The following SAMD5 variants were observed in gnomAD, a reference collection of about 807,000 sequenced individuals.
SAMD5 encodes the protein sterile alpha motif domain containing 5.
A neutral mutation model predicts 11.3 loss-of-function variants in SAMD5; 13 were observed. The observed-to-expected ratio is 1.15, with a 90% CI of 0.75 to 1.83. The LOEUF is 1.83. Among genes scored for constraint, SAMD5 ranks in the 40% most tolerant of loss-of-function variants. The probability of loss-of-function intolerance (pLI) is 0.00; values close to 1 mark genes in which losing one functional copy is unlikely to be tolerated. For synonymous variants in SAMD5, 129 were observed against 111.3 expected, an observed-to-expected ratio of 1.16 and a Z score of -1.00; for missense variants, 255 against 239.1, an observed-to-expected ratio of 1.07 and a Z score of -0.44.
chr6:147,547,117 AG>A (rs1291389029), intron 1 of SAMD5, among the ~76,000 whole-genome samples: 1 of 152,206 alleles, frequency 6.6e-6, no homozygotes, highest in African/African-American at 2.4e-5. Flanking sequence ...CACATTCTGA[AG>A]GTGGGAAAGA....
chr6:147,598,132 GT>G (rs1789560037), intron 1 of SAMD5, among the ~76,000 whole-genome samples: 1 of 147,220 alleles, frequency 6.8e-6, no homozygotes, highest in African/African-American at 2.5e-5. Flanking sequence ...ATTTGATTTT[GT>G]TTTATTTTTG....
chr6:147,950,442 G>A, the SAMD5 span, among the ~76,000 whole-genome samples: 1 of 152,130 alleles, frequency 6.6e-6, no homozygotes, highest in Admixed American at 6.5e-5. Context: ...TTTGTGCGTG[G>A]CATTCAGACT....
the SAMD5 span, among the ~76,000 whole-genome samples, chr6:147,871,690 C>T: frequency 6.6e-6 from 1 of 152,190 alleles, no homozygotes; most frequent in Non-Finnish European, 1.5e-5. Context: ...GAACCTTAAG[C>T]AACTCACTTT....
At chr6:147,777,219 C>T in the SAMD5 span, among the ~76,000 whole-genome samples, 1 of 151,984 alleles carries the variant, frequency 6.6e-6, no homozygotes, top group Non-Finnish European at 1.5e-5. Flanking sequence ...AGTTATAACT[C>T]GCATCATGCC....
At chr6:147,646,106 C>T (rs1027452742) in intron 1 of SAMD5, among the ~76,000 whole-genome samples, 3 of 151,640 alleles carry the variant, frequency 2.0e-5, no homozygotes, top group Non-Finnish European at 4.4e-5. Flanking sequence ...GACCCTTGAA[C>T]AATATGGGGG....
chr6:147,788,961 G>A, the SAMD5 span, among the ~76,000 whole-genome samples: 249 of 152,098 alleles, frequency 1.6e-3, 1 homozygote, highest in African/African-American at 5.9e-3. Context: ...GCAGGTGCCT[G>A]TAGTCCCAGC....
chr6:147,878,588 T>TATATATACATATATATCTATATAG, the SAMD5 span, among the ~76,000 whole-genome samples: 13 of 146,756 alleles, frequency 8.9e-5, no homozygotes, highest in Non-Finnish European at 1.6e-4. Context: ...TCTATATAGA[T>TATATATACATATATATCTATATAG]ATATATACAT....
intron 1 of SAMD5, among the ~76,000 whole-genome samples, chr6:147,599,624 A>T (rs1583101386): frequency 6.6e-6 from 1 of 152,094 alleles, no homozygotes. Flanking sequence ...TCAGCATTCG[A>T]CTTGGATGTT....
chr6:147,860,529 A>C, the SAMD5 span, among the ~76,000 whole-genome samples: 3 of 152,216 alleles, frequency 2.0e-5, no homozygotes, highest in Non-Finnish European at 4.4e-5. Context: ...TTTACTTTGA[A>C]GTCCTTGGAA....
chr6:147,772,252 A>G, the SAMD5 span, among the ~76,000 whole-genome samples: 3 of 152,188 alleles, frequency 2.0e-5, no homozygotes, highest in Admixed American at 2.0e-4. Context: ...AAAGTAGTCT[A>G]CATCAAATGA....
intron 1 of SAMD5, among the ~76,000 whole-genome samples, chr6:147,702,682 G>A (rs1433075546): frequency 6.6e-6 from 1 of 152,174 alleles, no homozygotes; most frequent in Non-Finnish European, 1.5e-5. Flanking sequence ...TCAGTTGGGT[G>A]CAAGCTCTCT....
At chr6:147,882,030 G>T in the SAMD5 span, among the ~76,000 whole-genome samples, 1 of 152,154 alleles carries the variant, frequency 6.6e-6, no homozygotes, top group African/African-American at 2.4e-5. Flanking sequence ...CGATGAAAAG[G>T]TGTGTATTCG....
At chr6:147,867,063 T>C in the SAMD5 span, among the ~76,000 whole-genome samples, 1 of 152,168 alleles carries the variant, frequency 6.6e-6, no homozygotes, top group Non-Finnish European at 1.5e-5. Flanking sequence ...AGGAAAATTT[T>C]CCGAATATTA....
At chr6:147,740,751 TAGAA>T (rs1791869130), downstream of SAMD5, among the ~76,000 whole-genome samples, 1 of 152,174 alleles carries the variant, frequency 6.6e-6, no homozygotes, top group Non-Finnish European at 1.5e-5. Flanking sequence ...ATAAAAGAAA[TAGAA>T]ATATATAAAT....
At chr6:147,524,058 A>G (rs1290165820) in intron 1 of SAMD5, among the ~76,000 whole-genome samples, 1 of 152,148 alleles carries the variant, frequency 6.6e-6, no homozygotes, top group South Asian at 2.1e-4. Flanking sequence ...TTAACTTTTC[A>G]GTTTTATTGC....
At chr6:147,686,205 G>T (rs183214365) in intron 1 of SAMD5, among the ~76,000 whole-genome samples, 4 of 152,126 alleles carry the variant, frequency 2.6e-5, no homozygotes, top group South Asian at 4.2e-4. Context: ...TATTTCTTTG[G>T]TCATATATTG....
At chr6:147,863,264 G>A in the SAMD5 span, among the ~76,000 whole-genome samples, 1 of 152,146 alleles carries the variant, frequency 6.6e-6, no homozygotes, top group Non-Finnish European at 1.5e-5. Context: ...AGAGGTCTAA[G>A]TTTACACAGG....
intron 1 of SAMD5, among the ~76,000 whole-genome samples, chr6:147,676,641 T>C (rs1023482059): frequency 2.6e-5 from 4 of 152,176 alleles, no homozygotes; most frequent in Non-Finnish European, 5.9e-5. Flanking sequence ...CCTGGCACAT[T>C]GTAGGCAGTC....
intron 1 of SAMD5, among the ~76,000 whole-genome samples, chr6:147,696,336 CT>C (rs147195920): frequency 0.086 from 13,145 of 152,240 alleles, 903 homozygotes; most frequent in African/African-American, 0.19. Context: ...CTGATGATGG[CT>C]TACCCAGCCT....
Sources: allele counts gnomAD v4.1 joint callset (sites outside exome capture counted in the v4.1 genomes callset), GRCh38; gene constraint gnomAD v4.1.1; transcripts MANE v1.5; gene names NCBI Gene and HGNC (gene_info 2026-07-23, HGNC 2026-07-21).